Variants in PPP6R3 observed in about 807,000 individuals in gnomAD.
PPP6R3 encodes serine/threonine-protein phosphatase 6 regulatory subunit 3.
PPP6R3 carries 38 observed loss-of-function variants against 110.7 expected under a neutral mutation model. The ratio of observed to expected loss-of-function variants is 0.34; its 90% CI spans 0.26 to 0.45. PPP6R3 has a LOEUF of 0.45. Among genes scored for constraint, PPP6R3 ranks in the 20% least tolerant of loss-of-function variants. The pLI is 1.00. For missense variants in PPP6R3, 870 were observed against 1,062.4 expected, an observed-to-expected ratio of 0.82 and a Z score of 2.52; for synonymous variants, 369 against 373.5, an observed-to-expected ratio of 0.99 and a Z score of 0.14.
chr11:68,478,257 C>T (rs1356696214), intron 1 of PPP6R3, among the ~76,000 whole-genome samples: 1 of 152,106 alleles, frequency 6.6e-6, no homozygotes, highest in East Asian at 1.9e-4. Context: ...CCAGGCTGGT[C>T]TTTTAACTCC....
At chr11:68,535,780 T>C (rs1416357157) in intron 2 of PPP6R3, among the ~76,000 whole-genome samples, 1 of 145,530 alleles carries the variant, frequency 6.9e-6, no homozygotes, top group Non-Finnish European at 1.5e-5. Flanking sequence ...TGGCCAACAT[T>C]GTGAAACCCC....
chr11:68,475,351 C>T (rs2098821214), intron 1 of PPP6R3, among the ~76,000 whole-genome samples: 1 of 152,240 alleles, frequency 6.6e-6, no homozygotes, highest in African/African-American at 2.4e-5. Context: ...ATTTCTCTGT[C>T]TTTTCCCCAC....
At chr11:68,590,854 C>A in intron 17 of PPP6R3, 140 bp downstream of exon 17, 1 of 1,016,876 alleles carries the variant, frequency 9.8e-7, no homozygotes, top group Non-Finnish European at 1.3e-6. Context: ...TCACTCTGTC[C>A]CACGGCCTAC....
rs1420814567 is a variant in PPP6R3 at position 68,482,115 on chromosome 11, A to G, written c.-158+21288A>G. 3.3e-5 allele frequency among the ~76,000 whole-genome samples: 5 copies of G among 151,020 alleles called. No individual in the cohort carries two copies. The Admixed American group carries it at 3.3e-4, about 10-fold the overall frequency. Reference sequence around the variant, plus strand: ...TTATCCCGGCCGGGTGCAGTGGCTCATGCCTGTAGTCCCAGCATTTATCAC... The same window carrying G: ...TTATCCCGGCCGGGTGCAGTGGCTCGTGCCTGTAGTCCCAGCATTTATCAC... On this transcript the variant is annotated intron_variant, in intron 1 of 23. Transcript: ENST00000393800.
chr11:68,570,179 T>C (rs2099497643), intron 11 of PPP6R3, among the ~76,000 whole-genome samples: 1 of 152,238 alleles, frequency 6.6e-6, no homozygotes, highest in African/African-American at 2.4e-5. Flanking sequence ...TTTGATGATT[T>C]GAAGAATCAT....
chr11:68,568,466 A>G (rs992760483), intron 10 of PPP6R3, among the ~76,000 whole-genome samples: 6 of 152,230 alleles, frequency 3.9e-5, no homozygotes, highest in African/African-American at 1.4e-4. Flanking sequence ...TAAATATGAC[A>G]TACTAAATTG....
chr11:68,532,947 T>C (rs2099249176), intron 2 of PPP6R3, among the ~76,000 whole-genome samples: 1 of 152,246 alleles, frequency 6.6e-6, no homozygotes, highest in African/African-American at 2.4e-5. Flanking sequence ...GACGAAGGAT[T>C]TCTCAGTCTG....
At chr11:68,501,475 C>T (rs1201571911) in intron 1 of PPP6R3, among the ~76,000 whole-genome samples, 1 of 152,176 alleles carries the variant, frequency 6.6e-6, no homozygotes, top group African/African-American at 2.4e-5. Context: ...TACAAGCACG[C>T]ACCACCACAC....
intron 1 of PPP6R3, among the ~76,000 whole-genome samples, chr11:68,489,351 A>G (rs769638665): frequency 5.3e-5 from 8 of 151,978 alleles, no homozygotes; most frequent in Non-Finnish European, 1.2e-4. Flanking sequence ...ATCATTTTAT[A>G]TGATTTCCAT....
chr11:68,602,489 G>A (rs1332719661), intron 21 of PPP6R3, among the ~76,000 whole-genome samples: 1 of 152,148 alleles, frequency 6.6e-6, no homozygotes, highest in Non-Finnish European at 1.5e-5. Context: ...CACCTTGATG[G>A]ACGGGGCTTT....
intron 1 of PPP6R3, among the ~76,000 whole-genome samples, chr11:68,484,745 G>A (rs1157965686): frequency 6.6e-6 from 1 of 151,888 alleles, no homozygotes; most frequent in Non-Finnish European, 1.5e-5. Context: ...CCGCCACCAC[G>A]CCCAGCTAAT....
At chr11:68,513,907 T>G (rs1173738383) in intron 1 of PPP6R3, among the ~76,000 whole-genome samples, 1 of 152,204 alleles carries the variant, frequency 6.6e-6, no homozygotes, top group Non-Finnish European at 1.5e-5. Flanking sequence ...TTGTGAAAGA[T>G]AAAATTAAAG....
chr11:68,475,407 C>T (rs573853564), intron 1 of PPP6R3, among the ~76,000 whole-genome samples: 2 of 152,286 alleles, frequency 1.3e-5, no homozygotes, highest in Non-Finnish European at 2.9e-5. Flanking sequence ...TCATCATGGC[C>T]CATTCTCAAT....
At chr11:68,598,922 A>G (rs574713875) in intron 19 of PPP6R3, among the ~76,000 whole-genome samples, 1 of 152,276 alleles carries the variant, frequency 6.6e-6, no homozygotes, top group Admixed American at 6.5e-5. Flanking sequence ...TCACACAGGT[A>G]GGTGGGCAAG....
chr11:68,462,509 G>A (rs2098715129), intron 1 of PPP6R3, among the ~76,000 whole-genome samples: 2 of 150,738 alleles, frequency 1.3e-5, no homozygotes, highest in African/African-American at 4.9e-5. Flanking sequence ...CTGGGTGACT[G>A]CCACCCGAAT....
intron 1 of PPP6R3, among the ~76,000 whole-genome samples, chr11:68,477,736 AAAAAAATATATATAT>A (rs1209929615): frequency 1.2e-5 from 1 of 86,694 alleles, no homozygotes; most frequent in African/African-American, 4.2e-5. Context: ...CTTAAAAAAA[AAAAAAATATATATAT>A]ATATATATAT....
In PPP6R3 at chr11:68,511,098, C is replaced by A. The variant is rs368637120; in HGVS notation, c.-157-8403C>A. 1.0e-3 allele frequency among the ~76,000 whole-genome samples: 151 copies of A among 148,536 alleles called. No individual in the cohort carries two copies. The South Asian group carries it at 0.012, about 12-fold the overall frequency. On this transcript the variant is annotated intron_variant, in intron 1 of 23. Transcript: ENST00000393800. ...TTTTTTTTTTTTTGAGGCGGAGTCTCGCTCTGTCGCCCAGGCTGGAGTGCA... is the reference window on the plus strand; with the variant it reads ...TTTTTTTTTTTTTGAGGCGGAGTCTAGCTCTGTCGCCCAGGCTGGAGTGCA...
At chr11:68,510,930 CTCTCT>C (rs1286635921) in intron 1 of PPP6R3, among the ~76,000 whole-genome samples, 1 of 152,158 alleles carries the variant, frequency 6.6e-6, no homozygotes, top group Admixed American at 6.5e-5. Flanking sequence ...AGGATTGGCT[CTCTCT>C]TCTCTCCTTT....
chr11:68,477,070 C>A (rs115429768), intron 1 of PPP6R3, among the ~76,000 whole-genome samples: 2 of 151,122 alleles, frequency 1.3e-5, no homozygotes, highest in African/African-American at 2.4e-5. Context: ...TGGTCTAATG[C>A]GATTTTGATT....
Sources: gnomAD v4.1 joint callset for allele counts (sites outside exome capture counted in the v4.1 genomes callset) on GRCh38, gnomAD v4.1.1 for gene constraint, MANE v1.5 for transcripts, NCBI Gene and HGNC (gene_info 2026-07-23, HGNC 2026-07-21) for gene names.